RIMS1: variants seen among roughly 807,000 people sequenced by gnomAD.
RIMS1 encodes the protein regulating synaptic membrane exocytosis protein 1.
RIMS1 carries 83 observed loss-of-function variants against 214.1 expected under a neutral mutation model. The observed-to-expected ratio is 0.39, with a 90% CI of 0.32 to 0.47. RIMS1 has a LOEUF of 0.47. RIMS1 is among the 20% of genes least tolerant of loss of function. The pLI, the probability that RIMS1 is intolerant of heterozygous loss-of-function variation, is 0.99. For missense variants in RIMS1, 2,050 were observed against 2,161.8 expected (o/e 0.95, Z 1.03); for synonymous variants, 793 against 786.8 (o/e 1.01, Z -0.13).
chr6:71,934,503 C>T (rs1464192836), intron 1 of RIMS1, among the ~76,000 whole-genome samples: 1 of 152,052 alleles, frequency 6.6e-6, no homozygotes, highest in Non-Finnish European at 1.5e-5. Flanking sequence ...TGTTAGCAGC[C>T]CTCAATATTT....
intron 28 of RIMS1, 102 bp from the exon 29 acceptor site, chr6:72,333,498 A>G: frequency 1.0e-6 from 1 of 964,646 alleles, no homozygotes; most frequent in Non-Finnish European, 1.6e-6. Context: ...TTTTCTCCCT[A>G]AAAATGTGTC....
intron 23 of RIMS1, among the ~76,000 whole-genome samples, chr6:72,282,027 G>A (rs1401163843): frequency 1.3e-5 from 2 of 151,728 alleles, no homozygotes; most frequent in Non-Finnish European, 1.5e-5. Flanking sequence ...ATGCACAAGT[G>A]TTTGTTGGAT....
chr6:71,944,195 ATT>A (rs1288016792), intron 1 of RIMS1, among the ~76,000 whole-genome samples: 2 of 152,338 alleles, frequency 1.3e-5, no homozygotes, highest in East Asian at 3.9e-4. Context: ...TATTACAAAA[ATT>A]AACTAATGAG....
intron 1 of RIMS1, among the ~76,000 whole-genome samples, chr6:71,961,400 C>T (rs1378871331): frequency 6.6e-6 from 1 of 151,996 alleles, no homozygotes; most frequent in African/African-American, 2.4e-5. Context: ...CTTCTCTCCT[C>T]TCTTTCTGTA....
intron 4 of RIMS1, among the ~76,000 whole-genome samples, chr6:72,128,841 G>C (rs1340270956): frequency 6.6e-6 from 1 of 152,030 alleles, no homozygotes; most frequent in African/African-American, 2.4e-5. Context: ...TTTTTTTGTG[G>C]AAATATTTCT....
intron 9 of RIMS1, among the ~76,000 whole-genome samples, chr6:72,240,835 G>T (rs991542098): frequency 6.6e-6 from 1 of 151,776 alleles, no homozygotes; most frequent in Non-Finnish European, 1.5e-5. Flanking sequence ...GGCCAACATG[G>T]TGAAACCCCG....
At chr6:72,272,969 TG>T (rs1471578540) in intron 22 of RIMS1, among the ~76,000 whole-genome samples, 3 of 152,200 alleles carry the variant, frequency 2.0e-5, no homozygotes, top group Admixed American at 1.3e-4. Flanking sequence ...ATAAAGTTAA[TG>T]CAAAATGTTA....
chr6:72,310,517 G>T (rs2095457851), intron 27 of RIMS1, among the ~76,000 whole-genome samples: 1 of 151,886 alleles, frequency 6.6e-6, no homozygotes, highest in Non-Finnish European at 1.5e-5. Context: ...TTATGTTTGT[G>T]TTTATGTAAC....
intron 29 of RIMS1, among the ~76,000 whole-genome samples, chr6:72,384,923 C>T (rs2098557685): frequency 1.3e-5 from 2 of 152,102 alleles, no homozygotes; most frequent in Non-Finnish European, 2.9e-5. Context: ...CTAAATATAA[C>T]ACATATCTCT....
chr6:71,897,663 T>C (rs1395820519), intron 1 of RIMS1, among the ~76,000 whole-genome samples: 4 of 152,132 alleles, frequency 2.6e-5, no homozygotes, highest in Admixed American at 2.6e-4. Context: ...CTTTTGATTG[T>C]TTTATTTGAT....
chr6:72,196,603 T>TTTTTTTTTTTTTTTTTTTTTA (rs780611745), intron 6 of RIMS1, among the ~76,000 whole-genome samples: 2 of 132,208 alleles, frequency 1.5e-5, no homozygotes, highest in Non-Finnish European at 3.3e-5. Context: ...TTTTTTTTTT[T>TTTTTTTTTTTTTTTTTTTTTA]ACCTATACAG....
rs1354238958 is a variant in RIMS1, at chr6:71,919,711, C to T, written c.164+32524C>T. On this transcript the variant is annotated intron_variant, in intron 1 of 33. Transcript: ENST00000521978. ...GAGTAGCCAGAGATTGAGGTAGATA[C>T]GGGGCGGTGAGAGCCAGCTAAAGAG... Among the ~76,000 whole-genome samples the T allele has an allele frequency of 3.3e-5, 5 of 151,990 alleles. No homozygotes were observed. The South Asian group carries it at 6.2e-4, about 19-fold the overall frequency.
chr6:72,319,398 G>C (rs929886403), intron 28 of RIMS1, among the ~76,000 whole-genome samples: 1 of 152,168 alleles, frequency 6.6e-6, no homozygotes, highest in Non-Finnish European at 1.5e-5. Flanking sequence ...CTGAGAAAGA[G>C]ATTCTGAAGT....
chr6:72,110,533 G>C (rs1221123063), intron 4 of RIMS1, among the ~76,000 whole-genome samples: 11 of 149,280 alleles, frequency 7.4e-5, no homozygotes, highest in Non-Finnish European at 5.9e-5. Context: ...GAATGCTTGT[G>C]ATTTTTGTAC....
chr6:72,390,361 G>A (rs2098683135), intron 29 of RIMS1, among the ~76,000 whole-genome samples: 1 of 152,202 alleles, frequency 6.6e-6, no homozygotes, highest in Non-Finnish European at 1.5e-5. Flanking sequence ...TTGGCTGATT[G>A]AGATTTAGGC....
chr6:72,081,501 C>A (rs941744087), intron 2 of RIMS1, among the ~76,000 whole-genome samples: 1 of 152,116 alleles, frequency 6.6e-6, no homozygotes, highest in Admixed American at 6.5e-5. Context: ...AAAATGACTG[C>A]TCCTAGCTTT....
At chr6:72,009,843 CA>C (rs1327552292) in intron 2 of RIMS1, among the ~76,000 whole-genome samples, 2 of 152,164 alleles carry the variant, frequency 1.3e-5, no homozygotes, top group South Asian at 2.1e-4. Flanking sequence ...AATAGCTTCC[CA>C]ACCAAAAAAA....
intron 23 of RIMS1, among the ~76,000 whole-genome samples, chr6:72,282,377 A>G (rs1214683755): frequency 6.6e-6 from 1 of 152,052 alleles, no homozygotes. Context: ...GAAATCAATC[A>G]TGGAATCTCT....
chr6:72,226,019 T>C (rs149157686), intron 6 of RIMS1, among the ~76,000 whole-genome samples: 141 of 152,260 alleles, frequency 9.3e-4, no homozygotes, highest in African/African-American at 3.2e-3. Context: ...AGACTTTTCT[T>C]CAGATACATT....
Sources: gnomAD v4.1 joint callset for allele counts (sites outside exome capture counted in the v4.1 genomes callset) on GRCh38, gnomAD v4.1.1 for gene constraint, MANE v1.5 for transcripts, NCBI Gene and HGNC (gene_info 2026-07-23, HGNC 2026-07-21) for gene names.